Variants in CELF2 observed in about 807,000 individuals in gnomAD.
CELF2 encodes the protein CUGBP Elav-like family member 2.
Under a neutral mutation model 62.6 loss-of-function variants are expected in CELF2, and 8 were observed. That is an observed-to-expected ratio of 0.13 (90% CI 0.07 to 0.23). CELF2 has a LOEUF of 0.23. Among genes scored for constraint, CELF2 ranks in the 10% least tolerant of loss-of-function variants. The pLI is 1.00. For synonymous variants in CELF2, 258 were observed against 250.0 expected (o/e 1.03, Z -0.30); for missense variants, 333 against 671.0 (o/e 0.50, Z 5.56).
At position 10,978,033 on chromosome 10, in the gene CELF2, TG is replaced by T. The variant is rs145180899; in HGVS notation, c.89+58035del. 7.5e-4 allele frequency among the ~76,000 whole-genome samples: 112 copies of T among 149,198 alleles called. 2 individuals carry two copies. The highest frequency in any genetic ancestry group is 1.4e-3 in the Non-Finnish European group (95 of 67,514). ...TGTGTTTTGGGTTTGGGTTTTTTTTTGTTTTTTGTTTTTTTTTTTCCAGAGA... is the reference window on the plus strand; with the variant it reads ...TGTGTTTTGGGTTTGGGTTTTTTTTTTTTTTTGTTTTTTTTTTTCCAGAGA... On this transcript the variant is annotated intron_variant, in intron 2 of 13. Coordinates refer to the CELF2 transcript ENST00000636488.
intron 1 of CELF2, among the ~76,000 whole-genome samples, chr10:11,151,175 A>G (rs1238452212): frequency 6.6e-6 from 1 of 152,224 alleles, no homozygotes; most frequent in Non-Finnish European, 1.5e-5. Flanking sequence ...TTTACAACTG[A>G]AAGTTTTCCA....
the CELF2 span, among the ~76,000 whole-genome samples, chr10:10,555,720 C>T: frequency 2.0e-5 from 3 of 152,142 alleles, no homozygotes; most frequent in Non-Finnish European, 1.5e-5. Context: ...CTTATGTGTA[C>T]AACACATGCA....
At chr10:10,584,448 G>C in the CELF2 span, among the ~76,000 whole-genome samples, 1 of 152,200 alleles carries the variant, frequency 6.6e-6, no homozygotes, top group African/African-American at 2.4e-5. Context: ...AAGTGTGGCC[G>C]CTGGCATTGG....
At chr10:11,275,955 G>A (rs2085926247) in intron 8 of CELF2, among the ~76,000 whole-genome samples, 1 of 152,190 alleles carries the variant, frequency 6.6e-6, no homozygotes, top group Non-Finnish European at 1.5e-5. Context: ...GGTGGGGGGA[G>A]AGAGCAAGGA....
At chr10:10,985,090 A>C (rs1221445362) in intron 2 of CELF2, among the ~76,000 whole-genome samples, 1 of 152,198 alleles carries the variant, frequency 6.6e-6, no homozygotes, top group Non-Finnish European at 1.5e-5. Context: ...GGGAATTAGG[A>C]AAATTTCGTT....
the CELF2 span, among the ~76,000 whole-genome samples, chr10:10,625,796 C>T: frequency 2.0e-5 from 3 of 152,198 alleles, no homozygotes; most frequent in African/African-American, 7.2e-5. Flanking sequence ...TGATCTGAAG[C>T]CCCAGAGGAA....
At chr10:10,974,741 T>G (rs550710199) in intron 2 of CELF2, among the ~76,000 whole-genome samples, 1 of 152,336 alleles carries the variant, frequency 6.6e-6, no homozygotes, top group African/African-American at 2.4e-5. Flanking sequence ...CTCTCAACTA[T>G]GGTATCGAAA....
chr10:11,040,454 A>G (rs2061641052), intron 1 of CELF2, among the ~76,000 whole-genome samples: 1 of 152,232 alleles, frequency 6.6e-6, no homozygotes, highest in African/African-American at 2.4e-5. Flanking sequence ...ATTTGTACAG[A>G]ATTTTAATTA....
Position 11,159,708 on chromosome 10 carries a change from G to A in CELF2, c.75-5778G>A, listed in dbSNP as rs141985094. Among the ~76,000 whole-genome samples, 355 of 152,308 alleles carry A rather than the reference G, an allele frequency of 2.3e-3. 5 individuals carry two copies. Among genetic ancestry groups the A allele is most frequent in the Non-Finnish European group, 3.7e-3 (249 of 68,032 alleles). On this transcript the variant is annotated intron_variant, in intron 1 of 12. Coordinates refer to ENST00000633077, the MANE Select transcript of CELF2 (RefSeq NM_001326342.2). The surrounding 1 kb of genome is among the most constrained non-coding windows in gnomAD (Gnocchi z 5.0). ...GAATTTCATGTCTGTCCTGTTACCCGCCGGAGGCACCAGGCCCATCGCCAG... is the reference window on the plus strand; with the variant it reads ...GAATTTCATGTCTGTCCTGTTACCCACCGGAGGCACCAGGCCCATCGCCAG...
intron 2 of CELF2, among the ~76,000 whole-genome samples, chr10:10,976,674 C>A (rs1353516043): frequency 6.6e-6 from 1 of 152,122 alleles, no homozygotes; most frequent in Non-Finnish European, 1.5e-5. Flanking sequence ...TTGGAAATTG[C>A]AAAATGCTTA....
chr10:10,948,147 A>G (rs2047908344), intron 2 of CELF2: 1 of 152,148 alleles, frequency 6.6e-6, no homozygotes, highest in Non-Finnish European at 1.5e-5. Context: ...AGGGATGGAA[A>G]CCACTTCCAT....
At chr10:10,925,418 T>A (rs904613766) in intron 2 of CELF2, among the ~76,000 whole-genome samples, 5 of 151,868 alleles carry the variant, frequency 3.3e-5, no homozygotes, top group African/African-American at 1.2e-4. Context: ...CCAAGCATGG[T>A]TGTCAGCTTG....
chr10:11,168,463 G>A (rs2067882706), intron 2 of CELF2, among the ~76,000 whole-genome samples: 1 of 152,208 alleles, frequency 6.6e-6, no homozygotes, highest in African/African-American at 2.4e-5. Flanking sequence ...CTTTATTCAT[G>A]TTGATACCTA....
intron 3 of CELF2, among the ~76,000 whole-genome samples, chr10:11,228,859 A>C (rs2067570138): frequency 6.6e-6 from 1 of 152,242 alleles, no homozygotes; most frequent in African/African-American, 2.4e-5. Context: ...ACAAAAACTA[A>C]GTATCATCAG....
chr10:11,093,684 T>G (rs1162230083), intron 1 of CELF2, among the ~76,000 whole-genome samples: 1 of 151,478 alleles, frequency 6.6e-6, no homozygotes, highest in Non-Finnish European at 1.5e-5. Flanking sequence ...CAGGGAGCAG[T>G]TTTTTTTTAC....
chr10:10,655,084 T>C, the CELF2 span, among the ~76,000 whole-genome samples: 15 of 150,104 alleles, frequency 1.0e-4, no homozygotes, highest in South Asian at 4.4e-4. Flanking sequence ...AACAGACAAA[T>C]AGAGAGCCAA....
chr10:11,288,697 A>T, intron 9 of CELF2, 145 bp downstream of exon 9: 1 of 913,826 alleles, frequency 1.1e-6, no homozygotes, highest in Non-Finnish European at 1.6e-6. Flanking sequence ...TCATTGGGTT[A>T]TTTTATTTTT....
the CELF2 span, among the ~76,000 whole-genome samples, chr10:10,753,809 C>T: frequency 6.6e-6 from 1 of 152,160 alleles, no homozygotes; most frequent in Non-Finnish European, 1.5e-5. Context: ...AACATGGCCC[C>T]TTCTTGAGGT....
chr10:11,051,906 T>C lies in CELF2; in HGVS notation c.74+33743T>C, dbSNP rs868474990. ...GTGTGTATGTATTGTTAATACTTTTTTTTTTTTTTTTTTGGAGACAGGGTC... is the reference window on the plus strand; with the variant it reads ...GTGTGTATGTATTGTTAATACTTTTCTTTTTTTTTTTTTGGAGACAGGGTC... On this transcript the variant is annotated intron_variant, in intron 1 of 12. Coordinates refer to ENST00000633077, the MANE Select transcript of CELF2 (RefSeq NM_001326342.2). Among the ~76,000 whole-genome samples the C allele has an allele frequency of 7.2e-3, 1,087 of 150,380 alleles. 5 individuals carry two copies. The highest frequency in any genetic ancestry group is 0.024 in the African/African-American group (989 of 40,830).
Sources: allele counts gnomAD v4.1 joint callset (sites outside exome capture counted in the v4.1 genomes callset), GRCh38; gene constraint gnomAD v4.1.1; non-coding constraint Gnocchi (gnomAD v3.1); transcripts MANE v1.5; gene names NCBI Gene and HGNC (gene_info 2026-07-23, HGNC 2026-07-21).